Variants in SHISA9 observed in about 807,000 individuals in gnomAD.
SHISA9 encodes shisa family member 9, also known as protein shisa-9.
Under a neutral mutation model 38.0 loss-of-function variants are expected in SHISA9, and 13 were observed. The observed-to-expected ratio is 0.34, with a 90% CI of 0.22 to 0.54. The LOEUF is 0.54. Ranked by LOEUF, SHISA9 falls within the 20% of genes least tolerant of loss-of-function variation. The probability of loss-of-function intolerance (pLI) is 0.91; values close to 1 mark genes in which losing one functional copy is unlikely to be tolerated. For synonymous variants in SHISA9, 275 were observed against 242.0 expected, an observed-to-expected ratio of 1.14 and a Z score of -1.27; for missense variants, 538 against 575.8, an observed-to-expected ratio of 0.93 and a Z score of 0.67.
At chr16:13,176,934 G>A (rs1397251868) in intron 2 of SHISA9, among the ~76,000 whole-genome samples, 2 of 152,066 alleles carry the variant, frequency 1.3e-5, no homozygotes, top group East Asian at 1.9e-4. Flanking sequence ...GTGGTTACTC[G>A]GAGGCTGGGG....
intron 2 of SHISA9, among the ~76,000 whole-genome samples, chr16:13,092,025 T>C (rs2073780057): frequency 6.6e-6 from 1 of 152,202 alleles, no homozygotes; most frequent in Non-Finnish European, 1.5e-5. Flanking sequence ...TGCTATTCCT[T>C]TCAGTTTGTT....
chr16:13,497,451 C>T, the SHISA9 span, among the ~76,000 whole-genome samples: 15 of 151,930 alleles, frequency 9.9e-5, no homozygotes, highest in Middle Eastern at 3.4e-3. Flanking sequence ...TTTGGGAGGC[C>T]GAGGCAGGAG....
chr16:12,909,170 T>A (rs2071146767), intron 1 of SHISA9: 2 of 986,044 alleles, frequency 2.0e-6, no homozygotes, highest in Non-Finnish European at 2.4e-6. Context: ...TTGCAGGGTA[T>A]GTTGACTTCT....
chr16:13,099,623 C>T (rs1055218821), intron 2 of SHISA9, among the ~76,000 whole-genome samples: 1 of 152,106 alleles, frequency 6.6e-6, no homozygotes, highest in African/African-American at 2.4e-5. Context: ...GGAGTGTGCT[C>T]TGTGCCTCCT....
chr16:13,246,654 C>T, the SHISA9 span, among the ~76,000 whole-genome samples: 15 of 152,280 alleles, frequency 9.9e-5, no homozygotes, highest in East Asian at 2.7e-3. Context: ...CAGCATGAGT[C>T]TCTAAATGGT....
At chr16:13,283,241 C>T in the SHISA9 span, among the ~76,000 whole-genome samples, 2 of 152,180 alleles carry the variant, frequency 1.3e-5, no homozygotes, top group Non-Finnish European at 2.9e-5. Flanking sequence ...ATGTATTTAT[C>T]AAATTTTTCT....
chr16:13,476,738 G>GGTT, the SHISA9 span, among the ~76,000 whole-genome samples: 270 of 65,220 alleles, frequency 4.1e-3, 4 homozygotes, highest in African/African-American at 0.014. Flanking sequence ...CCTGTTTTGT[G>GGTT]TTTTTTTTTT....
chr16:13,033,771 C>T (rs1219109737), intron 2 of SHISA9, among the ~76,000 whole-genome samples: 3 of 152,166 alleles, frequency 2.0e-5, no homozygotes, highest in Non-Finnish European at 1.5e-5. Context: ...CCAACTTGCT[C>T]CAATAGGCCT....
intron 2 of SHISA9, among the ~76,000 whole-genome samples, chr16:13,028,673 C>A (rs188666914): frequency 6.6e-6 from 1 of 152,248 alleles, no homozygotes; most frequent in Non-Finnish European, 1.5e-5. Context: ...GGGACACAGC[C>A]AAACCATATC....
At chr16:13,395,433 C>T in the SHISA9 span, among the ~76,000 whole-genome samples, 1,178 of 152,318 alleles carry the variant, frequency 7.7e-3, 17 homozygotes, top group African/African-American at 0.027. Context: ...CTCAAGGTCT[C>T]ATATGGCTGA....
At chr16:13,153,875 T>C (rs2050520446) in intron 2 of SHISA9, among the ~76,000 whole-genome samples, 2 of 151,928 alleles carry the variant, frequency 1.3e-5, no homozygotes, top group Admixed American at 1.3e-4. Context: ...TATAATTACA[T>C]TTGTGAAGCA....
intron 2 of SHISA9, among the ~76,000 whole-genome samples, chr16:13,034,696 G>GT (rs1354158799): frequency 3.3e-5 from 5 of 152,120 alleles, no homozygotes; most frequent in Non-Finnish European, 7.4e-5. Context: ...GATTTGTTTT[G>GT]GCCAATAGAA....
At chr16:13,196,376 G>A (rs2142046314) in intron 2 of SHISA9, among the ~76,000 whole-genome samples, 1 of 131,554 alleles carries the variant, frequency 7.6e-6, no homozygotes, top group Non-Finnish European at 1.5e-5. Context: ...CAGCCTGGGC[G>A]ACAGAGCGAG....
the SHISA9 span, among the ~76,000 whole-genome samples, chr16:13,454,453 G>T: frequency 7.9e-5 from 12 of 152,262 alleles, no homozygotes; most frequent in East Asian, 5.8e-4. Flanking sequence ...AATAGAAAGT[G>T]CTTGATGAGT....
At chr16:12,949,442 C>T (rs1169481393) in intron 2 of SHISA9, among the ~76,000 whole-genome samples, 24 of 152,294 alleles carry the variant, frequency 1.6e-4, no homozygotes, top group Non-Finnish European at 5.9e-5. Context: ...GGTGAGGCAC[C>T]TCCTATTCAA....
At chr16:13,113,749 G>A (rs558363244) in intron 2 of SHISA9, among the ~76,000 whole-genome samples, 31 of 152,238 alleles carry the variant, frequency 2.0e-4, no homozygotes, top group African/African-American at 6.5e-4. Context: ...TGTGTTCTTG[G>A]CACCCATGGA....
the SHISA9 span, among the ~76,000 whole-genome samples, chr16:13,504,589 C>T: frequency 6.6e-6 from 1 of 152,158 alleles, no homozygotes; most frequent in Admixed American, 6.6e-5. Flanking sequence ...TCACCATCAC[C>T]AGAGATCTTT....
chr16:13,236,913 G>A lies in SHISA9; in HGVS notation c.*1504G>A, dbSNP rs940668977. The A allele has an allele frequency of 2.6e-5, 4 of 152,118 alleles. No homozygotes were observed. The highest frequency in any genetic ancestry group is 7.2e-5 in the African/African-American group (3 of 41,412). 9.4% of individuals were successfully genotyped at this position (152,118 alleles called of 1,614,324 possible). A position where few individuals can be genotyped will look rare whatever the true frequency, so the allele number is the denominator to read the frequency against. On this transcript the variant is annotated 3_prime_UTR_variant, in exon 5 of 5. Transcript: ENST00000558583. ...AGAATGTCCTGAGGTTGTTTTTCTG[G>A]TTGGTTCTCATAATCCATAGTCCTT...
At chr16:13,207,623 T>G (rs1193898840) in intron 3 of SHISA9, among the ~76,000 whole-genome samples, 1 of 152,042 alleles carries the variant, frequency 6.6e-6, no homozygotes, top group Non-Finnish European at 1.5e-5. Flanking sequence ...ACTGTGAGAG[T>G]TCTCAGGGCT....
Sources: allele counts gnomAD v4.1 joint callset (sites outside exome capture counted in the v4.1 genomes callset), GRCh38; gene constraint gnomAD v4.1.1; transcripts MANE v1.5; gene names NCBI Gene and HGNC (gene_info 2026-07-23, HGNC 2026-07-21).